Variants in MCPH1 observed in about 807,000 individuals in gnomAD.
MCPH1 encodes microcephalin.
In MCPH1, 104 loss-of-function variants were observed where a neutral mutation model predicts 84.5. The ratio of observed to expected loss-of-function variants is 1.23; its 90% CI spans 1.05 to 1.45. MCPH1 has a LOEUF of 1.45. Among genes scored for constraint, MCPH1 ranks in the 40% most tolerant of loss-of-function variants. The probability of loss-of-function intolerance (pLI) is 0.00; values close to 1 mark genes in which losing one functional copy is unlikely to be tolerated. For missense variants in MCPH1, 1,498 were observed against 1,005.7 expected (o/e 1.49, Z -6.62); for synonymous variants, 514 against 366.8 (o/e 1.40, Z -4.58).
At chr8:6,611,839 C>T (rs1423248461) in intron 12 of MCPH1, among the ~76,000 whole-genome samples, 9 of 152,196 alleles carry the variant, frequency 5.9e-5, no homozygotes, top group African/African-American at 1.7e-4. Flanking sequence ...AGGATGGTCT[C>T]GGTCTCCTGA....
chr8:6,516,499 A>G (rs1464146671), intron 12 of MCPH1, among the ~76,000 whole-genome samples: 1 of 152,234 alleles, frequency 6.6e-6, no homozygotes, highest in Non-Finnish European at 1.5e-5. Context: ...CCTTTGGTAA[A>G]TAGGCCAAAA....
chr8:6,455,207 C>T lies in MCPH1; in HGVS notation c.1890C>T (p.Leu630=). 6.2e-7 allele frequency: 1 copy of T among 1,614,004 alleles called. No homozygotes were observed. Among genetic ancestry groups the T allele is most frequent in the Non-Finnish European group, 8.5e-7 (1 of 1,179,960 alleles). ...LDDSCDGFKD[L]IKPHEELKKS... Reference sequence around the variant, plus strand: ...ACTCATGTGACGGCTTTAAGGACCTCATCAAACCTCATGAGGAATTGAAGA... The same window carrying T: ...ACTCATGTGACGGCTTTAAGGACCTTATCAAACCTCATGAGGAATTGAAGA... Residue 630 remains leucine (L), a synonymous_variant, in exon 9 of 14, where the codon CTC becomes CTT. Coordinates refer to ENST00000344683, the MANE Select transcript of MCPH1 (RefSeq NM_024596.5).
intron 7 of MCPH1, among the ~76,000 whole-genome samples, chr8:6,443,967 G>T (rs920958142): frequency 2.0e-5 from 3 of 152,210 alleles, no homozygotes; most frequent in Non-Finnish European, 4.4e-5. Flanking sequence ...GACAGGGAAG[G>T]TAAGGGTGAG....
intron 12 of MCPH1, among the ~76,000 whole-genome samples, chr8:6,504,591 A>G (rs1177129891): frequency 2.0e-5 from 3 of 152,178 alleles, no homozygotes; most frequent in Non-Finnish European, 4.4e-5. Flanking sequence ...GATGCTGGCA[A>G]TTCAGATATG....
At chr8:6,457,172 A>G (rs1585881569) in intron 9 of MCPH1, among the ~76,000 whole-genome samples, 1 of 152,174 alleles carries the variant, frequency 6.6e-6, no homozygotes, top group Non-Finnish European at 1.5e-5. Flanking sequence ...GCTCAAATTT[A>G]AGTCTTCTTT....
chr8:6,484,328 T>G (rs994412866), intron 11 of MCPH1, among the ~76,000 whole-genome samples: 1 of 152,214 alleles, frequency 6.6e-6, no homozygotes, highest in Non-Finnish European at 1.5e-5. Context: ...TATTGCTCAC[T>G]TCAGAAATAT....
intron 12 of MCPH1, among the ~76,000 whole-genome samples, chr8:6,505,388 T>C (rs1563306729): frequency 1.6e-5 from 1 of 62,126 alleles, no homozygotes; most frequent in Non-Finnish European, 3.9e-5. Context: ...ATTCTTTCTA[T>C]ATGTATATAG....
chr8:6,523,400 TATAAAC>T (rs1374522967), intron 12 of MCPH1, among the ~76,000 whole-genome samples: 2 of 152,200 alleles, frequency 1.3e-5, no homozygotes. Context: ...AATTTCAACT[TATAAAC>T]ATACATTGCT....
chr8:6,419,173 ACACACACACACACACG>A (rs1350208297), intron 3 of MCPH1, among the ~76,000 whole-genome samples: 106 of 38,476 alleles, frequency 2.8e-3, no homozygotes, highest in Admixed American at 0.025. Flanking sequence ...ACACACACAC[ACACACACACACACACG>A]CATTTTTACC....
intron 12 of MCPH1, among the ~76,000 whole-genome samples, chr8:6,559,701 G>T (rs1825222262): frequency 6.6e-6 from 1 of 152,124 alleles, no homozygotes; most frequent in East Asian, 1.9e-4. Flanking sequence ...TGGTCTCCTA[G>T]CAAAATACAA....
At chr8:6,596,998 C>T (rs1237325001) in intron 12 of MCPH1, among the ~76,000 whole-genome samples, 3 of 152,126 alleles carry the variant, frequency 2.0e-5, no homozygotes, top group South Asian at 2.1e-4. Flanking sequence ...AAAACCATCC[C>T]GTAGACCACA....
intron 9 of MCPH1, 123 bp downstream of exon 9, chr8:6,455,375 G>C (rs757024430): frequency 5.5e-6 from 4 of 733,160 alleles, no homozygotes; most frequent in Non-Finnish European, 7.1e-6. Flanking sequence ...AATTGATTAT[G>C]GGTAAATGCT....
intron 12 of MCPH1, among the ~76,000 whole-genome samples, chr8:6,512,675 C>G (rs915021976): frequency 2.6e-5 from 4 of 152,224 alleles, no homozygotes; most frequent in African/African-American, 7.2e-5. Flanking sequence ...CTTCACCGTA[C>G]TTATCTTGCA....
intron 12 of MCPH1, among the ~76,000 whole-genome samples, chr8:6,571,292 G>T (rs1299215475): frequency 5.9e-5 from 9 of 152,148 alleles, no homozygotes. Context: ...ATTGATGTCA[G>T]TGTTTACTAA....
At chr8:6,485,431 C>T (rs1240531168) in intron 11 of MCPH1, among the ~76,000 whole-genome samples, 2 of 152,118 alleles carry the variant, frequency 1.3e-5, no homozygotes, top group Non-Finnish European at 2.9e-5. Flanking sequence ...AGGTTTCCTT[C>T]TGTGTGCTGA....
chr8:6,423,449 G>A (rs1282668547), intron 3 of MCPH1, among the ~76,000 whole-genome samples: 1 of 152,086 alleles, frequency 6.6e-6, no homozygotes, highest in South Asian at 2.1e-4. Flanking sequence ...ACTGGCATGA[G>A]CCCCTGCGCC....
At chr8:6,517,219 G>A (rs1404217829) in intron 12 of MCPH1, among the ~76,000 whole-genome samples, 2 of 152,154 alleles carry the variant, frequency 1.3e-5, no homozygotes, top group Non-Finnish European at 2.9e-5. Flanking sequence ...AAACCTAAGG[G>A]CAGTTAATAT....
chr8:6,553,027 G>A (rs1445008023), intron 12 of MCPH1, among the ~76,000 whole-genome samples: 1 of 152,132 alleles, frequency 6.6e-6, no homozygotes, highest in African/African-American at 2.4e-5. Flanking sequence ...ATGCTACAAT[G>A]GTGGATCCAT....
intron 13 of MCPH1, chr8:6,626,256 A>G (rs1832062614): frequency 2.0e-6 from 2 of 985,392 alleles, no homozygotes; most frequent in Non-Finnish European, 2.4e-6. Flanking sequence ...AGGGCTCAGT[A>G]TACAAAATGT....
Sources: gnomAD v4.1 joint callset for allele counts (sites outside exome capture counted in the v4.1 genomes callset) on GRCh38, gnomAD v4.1.1 for gene constraint, MANE v1.5 for transcripts, NCBI Gene and HGNC (gene_info 2026-07-23, HGNC 2026-07-21) for gene names.